Variants in CADM1 observed in about 807,000 individuals in gnomAD.
CADM1 encodes the protein cell adhesion molecule 1.
In CADM1, 15 loss-of-function variants were observed where a neutral mutation model predicts 53.1. The observed-to-expected ratio is 0.28, with a 90% confidence interval of 0.19 to 0.44. The LOEUF (loss-of-function observed/expected upper bound fraction) is 0.44. Among genes scored for constraint, CADM1 ranks in the 20% least tolerant of loss-of-function variants. The pLI is 1.00. For synonymous variants in CADM1, 281 were observed against 243.0 expected, an observed-to-expected ratio of 1.16 and a Z score of -1.45; for missense variants, 434 against 611.3, an observed-to-expected ratio of 0.71 and a Z score of 3.06.
At chr11:115,448,749 T>G (rs1156888560) in intron 1 of CADM1, among the ~76,000 whole-genome samples, 1 of 152,116 alleles carries the variant, frequency 6.6e-6, no homozygotes, top group Non-Finnish European at 1.5e-5. Context: ...AACATGTATT[T>G]CCTCCTCTTG....
intron 1 of CADM1, among the ~76,000 whole-genome samples, chr11:115,243,016 G>T (rs1425461048): frequency 6.6e-6 from 1 of 152,218 alleles, no homozygotes; most frequent in Admixed American, 6.5e-5. Context: ...GAGGCATGTT[G>T]TCCATGATTT....
chr11:115,212,301 T>C (rs1940999525), intron 7 of CADM1, among the ~76,000 whole-genome samples: 1 of 152,188 alleles, frequency 6.6e-6, no homozygotes, highest in Non-Finnish European at 1.5e-5. Context: ...TCCAAAATTA[T>C]GGTAGTAATA....
intron 1 of CADM1, among the ~76,000 whole-genome samples, chr11:115,437,441 C>T (rs1948208726): frequency 6.6e-6 from 1 of 152,164 alleles, no homozygotes; most frequent in African/African-American, 2.4e-5. Flanking sequence ...CAAAAACTGC[C>T]AGTTGTTTCC....
chr11:115,350,066 G>A (rs1053495601), intron 1 of CADM1, among the ~76,000 whole-genome samples: 1 of 152,128 alleles, frequency 6.6e-6, no homozygotes, highest in Non-Finnish European at 1.5e-5. Flanking sequence ...CCGCCTCTTG[G>A]GTTTAAGCGA....
At chr11:115,422,752 A>G (rs1374826293) in intron 1 of CADM1, among the ~76,000 whole-genome samples, 1 of 152,192 alleles carries the variant, frequency 6.6e-6, no homozygotes, top group Admixed American at 6.5e-5. Context: ...TTAACATTAA[A>G]TATTTAATGT....
chr11:115,461,924 C>T (rs1334143684), intron 1 of CADM1, among the ~76,000 whole-genome samples: 2 of 151,922 alleles, frequency 1.3e-5, no homozygotes, highest in Non-Finnish European at 2.9e-5. Context: ...AAAAGCAACA[C>T]TTGAAGTTGT....
At chr11:115,202,661 C>T (rs747840193) in intron 8 of CADM1, among the ~76,000 whole-genome samples, 4 of 152,146 alleles carry the variant, frequency 2.6e-5, no homozygotes, top group Non-Finnish European at 5.9e-5. Context: ...TATTTTAATA[C>T]ACTTTCTCCC....
chr11:115,382,105 A>T (rs898795648), intron 1 of CADM1, among the ~76,000 whole-genome samples: 10 of 152,168 alleles, frequency 6.6e-5, no homozygotes, highest in Non-Finnish European at 1.5e-4. Context: ...TCGGCCTCCC[A>T]AAGTGCTGGG....
chr11:115,223,969 A>AG (rs776093202), intron 5 of CADM1, among the ~76,000 whole-genome samples: 1 of 25,340 alleles, frequency 3.9e-5, no homozygotes, highest in East Asian at 1.9e-3. Flanking sequence ...AAAAAAAAAA[A>AG]AAAAAGAGAG....
At chr11:115,406,494 CAAAAT>C (rs1314642897) in intron 1 of CADM1, among the ~76,000 whole-genome samples, 1 of 147,716 alleles carries the variant, frequency 6.8e-6, no homozygotes, top group Non-Finnish European at 1.5e-5. Flanking sequence ...ATCTGCATTA[CAAAAT>C]ATTTATAAAT....
intron 7 of CADM1, 108 bp downstream of exon 7, chr11:115,214,500 C>T (rs1410032657): frequency 1.8e-6 from 2 of 1,125,448 alleles, no homozygotes; most frequent in African/African-American, 1.5e-5. Flanking sequence ...TAGAAGGAAA[C>T]CAACTGGTTT....
intron 1 of CADM1, among the ~76,000 whole-genome samples, chr11:115,443,372 G>T (rs1948370169): frequency 6.6e-6 from 1 of 152,172 alleles, no homozygotes; most frequent in Non-Finnish European, 1.5e-5. Context: ...AGTAATGGCA[G>T]ATTGTACAAT....
intron 1 of CADM1, among the ~76,000 whole-genome samples, chr11:115,420,181 A>G (rs1055909543): frequency 1.3e-5 from 2 of 152,188 alleles, no homozygotes; most frequent in African/African-American, 4.8e-5. Flanking sequence ...ACCACTGGTT[A>G]AGAACCAATG....
intron 1 of CADM1, among the ~76,000 whole-genome samples, chr11:115,403,147 C>A (rs896465777): frequency 4.6e-5 from 7 of 152,324 alleles, no homozygotes; most frequent in African/African-American, 1.4e-4. Flanking sequence ...ATACGTTACA[C>A]TGAGGACACA....
chr11:115,377,276 T>C (rs1591760661), intron 1 of CADM1: 1 of 152,238 alleles, frequency 6.6e-6, no homozygotes, highest in East Asian at 1.9e-4. Context: ...CTTGAAATTA[T>C]TTTCAAGTCA....
chr11:115,318,709 T>G (rs565915602), intron 1 of CADM1, among the ~76,000 whole-genome samples: 6 of 152,090 alleles, frequency 3.9e-5, no homozygotes, highest in Admixed American at 1.3e-4. Flanking sequence ...GTTTGAGAAA[T>G]CCATGAAGAA....
chr11:115,257,162 A>G (rs900392038), intron 1 of CADM1, among the ~76,000 whole-genome samples: 1 of 152,036 alleles, frequency 6.6e-6, no homozygotes. Flanking sequence ...TTTTTAAAAA[A>G]GTTTTTTTTT....
intron 1 of CADM1, among the ~76,000 whole-genome samples, chr11:115,428,666 T>G (rs1267681688): frequency 6.6e-6 from 1 of 152,202 alleles, no homozygotes; most frequent in East Asian, 1.9e-4. Context: ...TTTCACTATT[T>G]CTTGCCTTGT....
chr11:115,329,601 G>A (rs1375126392), intron 1 of CADM1, among the ~76,000 whole-genome samples: 4 of 152,068 alleles, frequency 2.6e-5, no homozygotes, highest in Non-Finnish European at 4.4e-5. Context: ...CTGGGTGCCC[G>A]TGACTCCCAA....
Sources: gnomAD v4.1 joint callset for allele counts (sites outside exome capture counted in the v4.1 genomes callset) on GRCh38, gnomAD v4.1.1 for gene constraint, MANE v1.5 for transcripts, NCBI Gene and HGNC (gene_info 2026-07-23, HGNC 2026-07-21) for gene names.